CSMD1: variants seen among roughly 807,000 people sequenced by gnomAD.
The protein encoded by CSMD1 is CUB and sushi domain-containing protein 1.
CSMD1 carries 213 observed loss-of-function variants against 417.5 expected under a neutral mutation model. The observed-to-expected ratio is 0.51, with a 90% CI of 0.46 to 0.57. The LOEUF is 0.57. Ranked by LOEUF, CSMD1 falls within the 20% of genes least tolerant of loss-of-function variation. The pLI, the probability that CSMD1 is intolerant of heterozygous loss-of-function variation, is 0.00. For missense variants in CSMD1, 6,923 were observed against 4,529.7 expected (o/e 1.53, Z -15.17); for synonymous variants, 2,862 against 1,736.8 (o/e 1.65, Z -16.11).
intron 5 of CSMD1, among the ~76,000 whole-genome samples, chr8:3,903,792 G>C (rs1220963841): frequency 1.3e-5 from 2 of 152,102 alleles, no homozygotes; most frequent in African/African-American, 2.4e-5. Flanking sequence ...GAGCCTCTCG[G>C]ATCAGTGTTC....
At chr8:3,886,022 T>C (rs1806540564) in intron 5 of CSMD1, among the ~76,000 whole-genome samples, 2 of 151,934 alleles carry the variant, frequency 1.3e-5, no homozygotes, top group Non-Finnish European at 2.9e-5. Context: ...TGTACATATA[T>C]ATACATACAT....
chr8:3,374,355 A>C (rs1037884661), intron 18 of CSMD1, among the ~76,000 whole-genome samples: 1 of 152,154 alleles, frequency 6.6e-6, no homozygotes, highest in Admixed American at 6.6e-5. Context: ...GAAACATACT[A>C]ATGTTTTCCA....
At chr8:3,760,921 G>C (rs767396313) in intron 5 of CSMD1, among the ~76,000 whole-genome samples, 3 of 151,692 alleles carry the variant, frequency 2.0e-5, no homozygotes, top group Admixed American at 6.6e-5. Flanking sequence ...CCAGTTTTGT[G>C]TCAATTTGGG....
intron 5 of CSMD1, among the ~76,000 whole-genome samples, chr8:3,784,810 T>C (rs1000029662): frequency 6.6e-5 from 10 of 152,338 alleles, no homozygotes; most frequent in Admixed American, 6.5e-4. Context: ...ATATCACAAT[T>C]GCTTGCACCA....
At chr8:4,746,973 C>G (rs1288242464) in intron 1 of CSMD1, among the ~76,000 whole-genome samples, 1 of 152,108 alleles carries the variant, frequency 6.6e-6, no homozygotes, top group Non-Finnish European at 1.5e-5. Flanking sequence ...GAGGGAAGAA[C>G]AGGAATAATT....
chr8:4,542,691 T>C (rs1181424496), intron 2 of CSMD1, among the ~76,000 whole-genome samples: 4 of 152,204 alleles, frequency 2.6e-5, no homozygotes, highest in Admixed American at 6.5e-5. Flanking sequence ...AGAAGATAGT[T>C]TGAATCTATT....
intron 5 of CSMD1, among the ~76,000 whole-genome samples, chr8:3,978,129 G>A (rs1813580744): frequency 6.6e-6 from 1 of 152,144 alleles, no homozygotes; most frequent in African/African-American, 2.4e-5. Flanking sequence ...CGAAAAGCAA[G>A]CCCTGCCCTC....
rs199705098 is a variant in CSMD1 at position 4,298,161 on chromosome 8, G to C, written c.415+121792C>G. Among the ~76,000 whole-genome samples, 7 of 152,184 alleles carry C rather than the reference G, an allele frequency of 4.6e-5. No individual in the cohort carries two copies. In the East Asian group the frequency reaches 1.4e-3, roughly 29 times the overall value. On this transcript the variant is annotated intron_variant, in intron 3 of 69. Coordinates refer to ENST00000635120, the MANE Select transcript of CSMD1 (RefSeq NM_033225.6). ...AAAAATGGTATAGAAGAAAAGTTTA[G>C]AAAAACATAATTTTGAGGAATCTGC...
intron 12 of CSMD1, among the ~76,000 whole-genome samples, chr8:3,417,551 T>C (rs1431607825): frequency 1.3e-5 from 2 of 152,196 alleles, no homozygotes; most frequent in African/African-American, 4.8e-5. Context: ...CAAACTAGAA[T>C]AGATAAGGTG....
intron 3 of CSMD1, among the ~76,000 whole-genome samples, chr8:4,220,729 C>G (rs892666418): frequency 6.6e-6 from 1 of 152,166 alleles, no homozygotes; most frequent in Admixed American, 6.5e-5. Flanking sequence ...AATTCACTAG[C>G]TGGGATGAGA....
intron 31 of CSMD1, among the ~76,000 whole-genome samples, chr8:3,202,093 G>C (rs1301992663): frequency 6.6e-6 from 1 of 152,134 alleles, no homozygotes; most frequent in Non-Finnish European, 1.5e-5. Flanking sequence ...GCTTGAACCT[G>C]GAAGGCGAAG....
rs577082790 is a variant in CSMD1, at chr8:3,496,452, G to A, written c.1345-2726C>T. Among the ~76,000 whole-genome samples the A allele has an allele frequency of 2.1e-3, 317 of 152,310 alleles. 2 individuals carry two copies. The highest frequency in any genetic ancestry group is 7.3e-3 in the African/African-American group (305 of 41,576). ...TCAACTCCTCCAGGCCACAGAGCTA[G>A]GAGTGTTTATTTGAAATCTTTCTAC... On this transcript the variant is annotated intron_variant, in intron 10 of 69. Coordinates refer to ENST00000635120, the MANE Select transcript of CSMD1 (RefSeq NM_033225.6).
chr8:4,617,918 C>A (rs964453812), intron 2 of CSMD1, among the ~76,000 whole-genome samples: 15 of 152,266 alleles, frequency 9.9e-5, no homozygotes, highest in African/African-American at 3.6e-4. Flanking sequence ...AGTTCCTATG[C>A]AATAACACTT....
At chr8:3,640,382 T>C (rs1797249067) in intron 7 of CSMD1, among the ~76,000 whole-genome samples, 2 of 152,226 alleles carry the variant, frequency 1.3e-5, no homozygotes, top group South Asian at 4.1e-4. Context: ...AAATATTCAA[T>C]TATATCTTCT....
rs369667613 is a variant in CSMD1 at position 2,960,955 on chromosome 8, T to TAA, written c.9702+185_9702+186insTT. On this transcript the variant is annotated intron_variant, in intron 62 of 69. Transcript: ENST00000635120. The stretch of plus-strand genomic sequence containing the variant: ...AGTAAGCAAGATATATATATATATA[T>TAA]ATATATATATACATATATTGATTTT... Among the ~76,000 whole-genome samples, 185 of 118,512 alleles carry TAA rather than the reference T, an allele frequency of 1.6e-3. 5 individuals carry two copies. In the East Asian group the frequency reaches 0.036, roughly 23 times the overall value. 77.7% of individuals were successfully genotyped at this position (118,512 alleles called of 152,430 possible).
rs1563340827 is a variant in CSMD1 at position 4,032,087 on chromosome 8, T to A, written c.428A>T (p.His143Leu). The A allele has an allele frequency of 2.5e-6, 4 of 1,610,550 alleles. No individual in the cohort carries two copies. The highest frequency in any genetic ancestry group is 3.4e-6 in the Non-Finnish European group (4 of 1,177,588). The change falls in exon 4 of 70, where the codon CAC (histidine) becomes CTC (leucine). Residue 143 changes from histidine to leucine, a missense_variant. Coordinates refer to ENST00000635120, the MANE Select transcript of CSMD1 (RefSeq NM_033225.6). The part of the protein sequence containing the change: ...FKALYEVLPS[H>L]TCGNPGEILK... ...GATTTCTCCAGGATTTCCACAAGTG[T>A]GGCTAGGTAAAACTATTGGAAAAAG...
At chr8:3,713,261 C>G (rs1303411914) in intron 6 of CSMD1, among the ~76,000 whole-genome samples, 1 of 152,148 alleles carries the variant, frequency 6.6e-6, no homozygotes, top group South Asian at 2.1e-4. Flanking sequence ...ACTATAATCT[C>G]TAAGTGGTTA....
intron 3 of CSMD1, among the ~76,000 whole-genome samples, chr8:4,414,517 G>C (rs564218641): frequency 1.3e-5 from 2 of 152,138 alleles, no homozygotes; most frequent in Non-Finnish European, 2.9e-5. Context: ...AAGAGGATCT[G>C]CTTATGCATA....
chr8:4,567,014 C>T (rs1361503491), intron 2 of CSMD1, among the ~76,000 whole-genome samples: 2 of 151,980 alleles, frequency 1.3e-5, no homozygotes, highest in African/African-American at 4.8e-5. Flanking sequence ...ATGTATTTTT[C>T]AAGGTATTAA....
Sources: allele counts gnomAD v4.1 joint callset (sites outside exome capture counted in the v4.1 genomes callset), GRCh38; gene constraint gnomAD v4.1.1; transcripts MANE v1.5; gene names NCBI Gene and HGNC (gene_info 2026-07-23, HGNC 2026-07-21).